Variants in WDR41 observed in about 807,000 individuals in gnomAD.
WDR41 encodes the protein WD repeat domain 41, also known as WD repeat-containing protein 41.
WDR41 carries 63 observed loss-of-function variants against 69.3 expected under a neutral mutation model. That is an observed-to-expected ratio of 0.91 (90% CI 0.74 to 1.12). The LOEUF (loss-of-function observed/expected upper bound fraction) is 1.12. WDR41 is among the 50% of genes most tolerant of loss of function. WDR41 has a pLI of 0.00. For missense variants in WDR41, 543 were observed against 534.5 expected (o/e 1.02, Z -0.16); for synonymous variants, 185 against 192.1 (o/e 0.96, Z 0.31).
At chr5:77,486,176 T>C (rs532720966) in intron 2 of WDR41, among the ~76,000 whole-genome samples, 243 of 152,330 alleles carry the variant, frequency 1.6e-3, no homozygotes, top group Non-Finnish European at 2.7e-3. Flanking sequence ...GATGACTCTT[T>C]CGGTTTTTCT....
intron 1 of WDR41, among the ~76,000 whole-genome samples, chr5:77,504,047 A>G (rs1802066113): frequency 6.7e-6 from 1 of 149,112 alleles, no homozygotes; most frequent in Admixed American, 6.8e-5. Context: ...TGAAGGAGAT[A>G]GAGACACGAA....
intron 1 of WDR41, among the ~76,000 whole-genome samples, chr5:77,504,125 G>A (rs9687916): frequency 0.63 from 94,926 of 150,874 alleles, 31,435 homozygotes; most frequent in African/African-American, 0.84. Context: ...TTGATAGACT[G>A]CTAGCAAGAC....
chr5:77,602,232 T>C (rs1395162825), intron 1 of WDR41, among the ~76,000 whole-genome samples: 1 of 151,916 alleles, frequency 6.6e-6, no homozygotes, highest in Non-Finnish European at 1.5e-5. Flanking sequence ...CTCCATCTTA[T>C]GGGTTTAAGC....
At position 77,459,062 on chromosome 5, in the gene WDR41, C is replaced by T; in HGVS notation, c.411G>A (p.Lys137=). Residue 137 remains lysine (K), a splice_region_variant and synonymous_variant, in exon 5 of 13, where the codon AAG becomes AAA. Coordinates refer to ENST00000296679, the MANE Select transcript of WDR41 (RefSeq NM_018268.4). ...AACTCATATTTACTTAAGATTTTAC[C>T]TTTACAGTAGACTGGAAGCATGATA... is the stretch of plus-strand genomic sequence containing the variant. The part of the protein sequence containing the change: ...QRISCFQSTV[K]CLTVLQRLDV... 6.3e-7 allele frequency: 1 copy of T among 1,589,612 alleles called. No homozygotes were observed.
chr5:77,587,593 T>C (rs1744063689), intron 1 of WDR41, among the ~76,000 whole-genome samples: 1 of 152,236 alleles, frequency 6.6e-6, no homozygotes, highest in South Asian at 2.1e-4. Context: ...CTTTCCCTGG[T>C]AAGTAATGAT....
chr5:77,449,993 CA>C (rs1025829084), intron 7 of WDR41, 123 bp from the exon 8 acceptor site: 57 of 652,212 alleles, frequency 8.7e-5, no homozygotes, highest in African/African-American at 2.0e-4. Flanking sequence ...AACCCATCTC[CA>C]AAAAAAAGCC....
chr5:77,550,993 C>T (rs184583892), intron 1 of WDR41, among the ~76,000 whole-genome samples: 1 of 152,036 alleles, frequency 6.6e-6, no homozygotes, highest in African/African-American at 2.4e-5. Context: ...TAAGTGGGAG[C>T]TAAGCATTGG....
chr5:77,533,674 A>T (rs1370361735), intron 1 of WDR41, among the ~76,000 whole-genome samples: 1 of 152,204 alleles, frequency 6.6e-6, no homozygotes. Flanking sequence ...ACAGAATTAT[A>T]TAATTAATTC....
chr5:77,535,870 G>T (rs142157825), intron 1 of WDR41, among the ~76,000 whole-genome samples: 190 of 152,262 alleles, frequency 1.2e-3, no homozygotes, highest in African/African-American at 4.4e-3. Flanking sequence ...CTACCTAGCT[G>T]GTGTAAGACA....
intron 1 of WDR41, among the ~76,000 whole-genome samples, chr5:77,529,320 T>G (rs780135702): frequency 1.3e-5 from 2 of 151,288 alleles, no homozygotes; most frequent in Admixed American, 6.6e-5. Flanking sequence ...TCTAAAAACT[T>G]GTAAACCTCT....
chr5:77,484,935 T>C (rs1372268101), intron 2 of WDR41, among the ~76,000 whole-genome samples: 1 of 152,206 alleles, frequency 6.6e-6, no homozygotes, highest in Non-Finnish European at 1.5e-5. Flanking sequence ...AGCAAGATAG[T>C]AGAAGCCAGG....
intron 8 of WDR41, 31 bp from the exon 9 acceptor site, chr5:77,441,028 G>C (rs779337740): frequency 1.2e-6 from 2 of 1,605,354 alleles, no homozygotes; most frequent in Non-Finnish European, 1.7e-6. Context: ...CCTCATTATC[G>C]ATCATTTTAT....
At chr5:77,583,600 T>C (rs934121973) in intron 1 of WDR41, among the ~76,000 whole-genome samples, 1 of 152,038 alleles carries the variant, frequency 6.6e-6, no homozygotes, top group Non-Finnish European at 1.5e-5. Context: ...TATACTCCTA[T>C]TATATATCCA....
intron 1 of WDR41, among the ~76,000 whole-genome samples, chr5:77,615,689 A>G (rs1383856066): frequency 7.1e-6 from 1 of 141,228 alleles, no homozygotes; most frequent in Non-Finnish European, 1.6e-5. Flanking sequence ...CTGCAAGTCA[A>G]AAAAAAAAAA....
intron 1 of WDR41, among the ~76,000 whole-genome samples, chr5:77,539,048 A>G (rs1743041475): frequency 6.6e-6 from 1 of 152,130 alleles, no homozygotes; most frequent in Admixed American, 6.5e-5. Context: ...GCAGGTGGCC[A>G]TCTTGCTGTA....
At chr5:77,604,828 G>A (rs746289786) in intron 1 of WDR41, among the ~76,000 whole-genome samples, 25 of 152,098 alleles carry the variant, frequency 1.6e-4, no homozygotes, top group Non-Finnish European at 2.4e-4. Context: ...AGCTCTTTAT[G>A]TACTGAGGTA....
At chr5:77,596,185 G>A (rs1027357282) in intron 1 of WDR41, among the ~76,000 whole-genome samples, 1 of 152,136 alleles carries the variant, frequency 6.6e-6, no homozygotes, top group Non-Finnish European at 1.5e-5. Flanking sequence ...GTCTCACTCT[G>A]TTGCCAAGCT....
intron 2 of WDR41, among the ~76,000 whole-genome samples, chr5:77,485,573 C>T (rs968199380): frequency 5.9e-5 from 9 of 152,076 alleles, no homozygotes; most frequent in African/African-American, 9.7e-5. Flanking sequence ...AAATGAGCAA[C>T]GGAGAAAACT....
chr5:77,492,085 G>A (rs748568580), intron 1 of WDR41, 85 bp downstream of exon 1: 7 of 1,531,098 alleles, frequency 4.6e-6, no homozygotes, highest in African/African-American at 1.4e-5. Flanking sequence ...GGTCCCCGCG[G>A]TCGGAACCCA....
Sources: gnomAD v4.1 joint callset for allele counts (sites outside exome capture counted in the v4.1 genomes callset) on GRCh38, gnomAD v4.1.1 for gene constraint, MANE v1.5 for transcripts, NCBI Gene and HGNC (gene_info 2026-07-23, HGNC 2026-07-21) for gene names.